Variants in EPHA4 observed in about 807,000 individuals in gnomAD.
EPHA4 encodes the protein ephrin type-A receptor 4.
A neutral mutation model predicts 108.3 loss-of-function variants in EPHA4; 19 were observed. That is an observed-to-expected ratio of 0.18 (90% CI 0.12 to 0.26). The LOEUF is 0.26. EPHA4 is among the 10% of genes least tolerant of loss of function. EPHA4 has a pLI of 1.00. For missense variants in EPHA4, 917 were observed against 1,254.0 expected (o/e 0.73, Z 4.06); for synonymous variants, 449 against 455.5 (o/e 0.99, Z 0.18).
intron 3 of EPHA4, among the ~76,000 whole-genome samples, chr2:221,562,570 C>T (rs1490537349): frequency 1.3e-5 from 2 of 152,100 alleles, no homozygotes; most frequent in Admixed American, 1.3e-4. Flanking sequence ...GTGGCAATGC[C>T]ATCTACAGCT....
chr2:221,500,518 A>G (rs1252156776), intron 4 of EPHA4, among the ~76,000 whole-genome samples: 2 of 152,246 alleles, frequency 1.3e-5, no homozygotes, highest in Admixed American at 6.5e-5. Flanking sequence ...ATCATTAAAC[A>G]AGCATTTATT....
At chr2:221,490,855 G>A (rs1015769527) in intron 4 of EPHA4, among the ~76,000 whole-genome samples, 2 of 152,172 alleles carry the variant, frequency 1.3e-5, no homozygotes, top group African/African-American at 4.8e-5. Flanking sequence ...TCTGCTGTGG[G>A]TTAGTTTACA....
intron 5 of EPHA4, among the ~76,000 whole-genome samples, chr2:221,469,692 G>A (rs984138206): frequency 3.3e-5 from 5 of 152,094 alleles, no homozygotes; most frequent in Admixed American, 1.3e-4. Context: ...AGCACCTGTC[G>A]ACTAAGACCT....
chr2:221,476,875 A>C (rs1220336373), intron 5 of EPHA4, among the ~76,000 whole-genome samples: 2 of 151,970 alleles, frequency 1.3e-5, no homozygotes, highest in Non-Finnish European at 2.9e-5. Context: ...ACACTTAGTT[A>C]TTTCTTTTCT....
At chr2:221,572,538 G>C (rs1694881328), upstream of EPHA4, 1 of 234,384 alleles carries the variant, frequency 4.3e-6, no homozygotes. Context: ...GCCTGCCGGA[G>C]GGAGCCAGCG....
At chr2:221,545,318 A>C (rs1693962279) in intron 3 of EPHA4, among the ~76,000 whole-genome samples, 1 of 152,060 alleles carries the variant, frequency 6.6e-6, no homozygotes, top group Non-Finnish European at 1.5e-5. Flanking sequence ...AAACACAAAA[A>C]ATTAGCCAGG....
intron 11 of EPHA4, among the ~76,000 whole-genome samples, chr2:221,441,150 A>T (rs941197811): frequency 6.7e-6 from 1 of 150,100 alleles, no homozygotes; most frequent in Non-Finnish European, 1.5e-5. Context: ...TTTGTGTCCT[A>T]CTAGCCACCT....
At chr2:221,526,795 C>T (rs1200291840) in intron 3 of EPHA4, among the ~76,000 whole-genome samples, 1 of 128,378 alleles carries the variant, frequency 7.8e-6, no homozygotes, top group African/African-American at 2.9e-5. Flanking sequence ...TGCAGTGGGC[C>T]GAGATCGAGA....
intron 3 of EPHA4, among the ~76,000 whole-genome samples, chr2:221,520,557 G>A (rs1035671731): frequency 1.3e-5 from 2 of 151,212 alleles, no homozygotes; most frequent in African/African-American, 2.4e-5. Flanking sequence ...GAGAGAGAGA[G>A]AGAGCAAGAG....
At chr2:221,556,473 T>TTC (rs1258657278) in intron 3 of EPHA4, among the ~76,000 whole-genome samples, 167 of 143,894 alleles carry the variant, frequency 1.2e-3, no homozygotes, top group African/African-American at 3.9e-3. Context: ...ATTTTTGTAT[T>TTC]TTTTTTTTTT....
At chr2:221,570,995 C>T (rs1010185949) in intron 1 of EPHA4, among the ~76,000 whole-genome samples, 1 of 152,114 alleles carries the variant, frequency 6.6e-6, no homozygotes, top group Non-Finnish European at 1.5e-5. Context: ...TGCACGCAGG[C>T]CAGAGCACCA....
chr2:221,566,969 G>GAAGAA lies in EPHA4; in HGVS notation c.159+1748_159+1749insTTCTT, dbSNP rs1553595985. 2.1e-3 allele frequency among the ~76,000 whole-genome samples: 58 copies of GAAGAA among 27,650 alleles called. 22 individuals carry two copies. The highest frequency in any genetic ancestry group is 0.011 in the African/African-American group (57 of 5,198). 18.1% of individuals were successfully genotyped at this position (27,650 alleles called of 152,430 possible). The stretch of plus-strand genomic sequence containing the variant: ...GAGAAGGAGAAGGGGAAGAGGAAGA[G>GAAGAA]GAAGAAGAAGAAGAAGAAGAAGAAG... On this transcript the variant is annotated intron_variant, in intron 2 of 17. Coordinates refer to ENST00000281821, the MANE Select transcript of EPHA4 (RefSeq NM_004438.5).
At chr2:221,488,544 T>C (rs1185247693) in intron 4 of EPHA4, among the ~76,000 whole-genome samples, 3 of 152,220 alleles carry the variant, frequency 2.0e-5, no homozygotes, top group African/African-American at 7.2e-5. Flanking sequence ...TGTGAAATAC[T>C]TTCTGCATCA....
At chr2:221,537,601 C>G in intron 3 of EPHA4, among the ~76,000 whole-genome samples, 1 of 152,138 alleles carries the variant, frequency 6.6e-6, no homozygotes, top group East Asian at 1.9e-4. Context: ...TAGCCAGGGC[C>G]ACAAAATAAG....
chr2:221,455,711 A>G, intron 7 of EPHA4, 53 bp from the exon 8 acceptor site: 3 of 1,318,926 alleles, frequency 2.3e-6, no homozygotes, highest in Non-Finnish European at 3.2e-6. Context: ...TAGGAGGTAG[A>G]ACTTCTGAAT....
Position 221,571,845 on chromosome 2 carries a change from C to T in EPHA4, c.91+313G>A, listed in dbSNP as rs1694847380. ...TTCTTGTAATTTTTTTTTTAAATCC[C>T]GGCGTTGTCTCCCGTGCATCCCCTC... On this transcript the variant is annotated intron_variant, in intron 1 of 17. Coordinates refer to ENST00000281821, the MANE Select transcript of EPHA4 (RefSeq NM_004438.5). The surrounding 1 kb of genome is among the most constrained non-coding windows in gnomAD (Gnocchi z 6.3). Among the ~76,000 whole-genome samples the T allele has an allele frequency of 6.6e-6, 1 of 152,138 alleles. No individual in the cohort carries two copies. The highest frequency in any genetic ancestry group is 2.4e-5 in the African/African-American group (1 of 41,438).
intron 3 of EPHA4, among the ~76,000 whole-genome samples, chr2:221,518,063 TGAG>T: frequency 6.6e-6 from 1 of 152,230 alleles, no homozygotes; most frequent in East Asian, 1.9e-4. Flanking sequence ...GTTTTACAAC[TGAG>T]GTCTTTACTT....
intron 8 of EPHA4, among the ~76,000 whole-genome samples, chr2:221,447,542 C>T (rs1258364804): frequency 2.6e-5 from 4 of 152,178 alleles, no homozygotes; most frequent in African/African-American, 9.7e-5. Context: ...GTCAGCAGCG[C>T]AAGAACCAGC....
intron 8 of EPHA4, among the ~76,000 whole-genome samples, chr2:221,454,673 G>A (rs1347441950): frequency 1.3e-5 from 2 of 152,200 alleles, no homozygotes; most frequent in Non-Finnish European, 2.9e-5. Flanking sequence ...CAGATGTGGG[G>A]CACATATCAA....
Sources: gnomAD v4.1 joint callset for allele counts (sites outside exome capture counted in the v4.1 genomes callset) on GRCh38, gnomAD v4.1.1 for gene constraint, Gnocchi (gnomAD v3.1) non-coding constraint, MANE v1.5 for transcripts, NCBI Gene and HGNC (gene_info 2026-07-23, HGNC 2026-07-21) for gene names.